RANBP9: variants seen among roughly 807,000 people sequenced by gnomAD.
The protein encoded by RANBP9 is RAN binding protein 9, also known as ran-binding protein 9.
A neutral mutation model predicts 84.3 loss-of-function variants in RANBP9; 15 were observed. That is an observed-to-expected ratio of 0.18 (90% confidence interval 0.12 to 0.27). The LOEUF (loss-of-function observed/expected upper bound fraction) is 0.27. Ranked by LOEUF, RANBP9 falls within the 10% of genes least tolerant of loss-of-function variation. The pLI is 1.00. For missense variants in RANBP9, 809 were observed against 912.8 expected (o/e 0.89, Z 1.46); for synonymous variants, 392 against 349.6 (o/e 1.12, Z -1.35).
Position 13,622,362 on chromosome 6 carries a change from C to T in RANBP9, c.2190G>A (p.Ter730=), listed in dbSNP as rs775232689. 6.4e-7 allele frequency: 1 copy of T among 1,569,758 alleles called. No homozygotes were observed. Among genetic ancestry groups the T allele is most frequent in the Non-Finnish European group, 8.6e-7 (1 of 1,158,662 alleles). The change falls in exon 14 of 14, where the codon TAG becomes TAA. Residue 730 remains the stop codon, a stop_retained_variant. Coordinates refer to ENST00000011619, the MANE Select transcript of RANBP9 (RefSeq NM_005493.3). ...AAGTGTGAGCTCTTGAAATGCATAG[C>T]TAATGTAGGTAGTCTTCCACTGTGG... is the stretch of plus-strand genomic sequence containing the variant. ...AFATVEDYLH[*]
Position 13,706,752 on chromosome 6 carries a change from G to A in RANBP9, c.571+4183C>T, listed in dbSNP as rs1462099715. On this transcript the variant is annotated intron_variant, in intron 1 of 13. Coordinates refer to ENST00000011619, the MANE Select transcript of RANBP9 (RefSeq NM_005493.3). ...CGCAGTGGCTCATGCCTGTAATCCC[G>A]GCATTTTGGGAGGCCGAGGCGGGCA... Among the ~76,000 whole-genome samples the A allele has an allele frequency of 4.1e-5, 6 of 147,518 alleles. No individual in the cohort carries two copies. The South Asian group carries it at 8.6e-4, about 21-fold the overall frequency.
chr6:13,699,571 A>AT (rs1373200850), intron 1 of RANBP9, among the ~76,000 whole-genome samples: 4 of 152,166 alleles, frequency 2.6e-5, no homozygotes, highest in Non-Finnish European at 5.9e-5. Flanking sequence ...TTCATTGGGC[A>AT]TTTCCTTTGA....
chr6:13,704,393 T>C (rs1758048048), intron 1 of RANBP9, among the ~76,000 whole-genome samples: 1 of 152,084 alleles, frequency 6.6e-6, no homozygotes, highest in Non-Finnish European at 1.5e-5. Context: ...TTTGGGAGGC[T>C]AAGGCAGGCA....
At chr6:13,639,380 A>T (rs539280994) in intron 9 of RANBP9, among the ~76,000 whole-genome samples, 183 bp downstream of exon 9, 1 of 152,180 alleles carries the variant, frequency 6.6e-6, no homozygotes, top group African/African-American at 2.4e-5. Context: ...GGTTATCACC[A>T]TGTTGGCCAG....
chr6:13,629,686 T>A (rs1001268248), intron 12 of RANBP9, among the ~76,000 whole-genome samples: 2 of 152,130 alleles, frequency 1.3e-5, no homozygotes, highest in Non-Finnish European at 2.9e-5. Context: ...CTCTCCACAC[T>A]GCAAAAATTC....
At chr6:13,638,366 G>A (rs1764988413) in intron 9 of RANBP9, among the ~76,000 whole-genome samples, 1 of 152,256 alleles carries the variant, frequency 6.6e-6, no homozygotes, top group South Asian at 2.1e-4. Flanking sequence ...AAACTGAGAG[G>A]AAGTAATGCA....
intron 13 of RANBP9, among the ~76,000 whole-genome samples, chr6:13,624,677 A>G (rs150024103): frequency 6.6e-6 from 1 of 152,248 alleles, no homozygotes; most frequent in Non-Finnish European, 1.5e-5. Context: ...CAAACGCTAC[A>G]GTGAGCTGCT....
chr6:13,663,037 T>G (rs1765570139), intron 2 of RANBP9, among the ~76,000 whole-genome samples: 1 of 151,808 alleles, frequency 6.6e-6, no homozygotes, highest in African/African-American at 2.4e-5. Flanking sequence ...TTCCCCAAAT[T>G]TGGTAAAAGA....
At chr6:13,689,963 T>C (rs182029088) in intron 2 of RANBP9, among the ~76,000 whole-genome samples, 115 of 152,290 alleles carry the variant, frequency 7.6e-4, no homozygotes, top group African/African-American at 2.7e-3. Context: ...AGTCCTCTGT[T>C]GGACAGACCA....
intron 12 of RANBP9, among the ~76,000 whole-genome samples, chr6:13,629,079 A>G (rs2127760034): frequency 6.6e-6 from 1 of 152,286 alleles, no homozygotes; most frequent in Admixed American, 6.5e-5. Flanking sequence ...CAATGTTGAA[A>G]TAAACCTATA....
intron 2 of RANBP9, among the ~76,000 whole-genome samples, chr6:13,686,624 G>C (rs760793682): frequency 3.9e-5 from 6 of 152,008 alleles, no homozygotes; most frequent in Non-Finnish European, 7.4e-5. Context: ...AGCTGGTCTC[G>C]AACTACTGGG....
At chr6:13,689,966 A>T (rs920075227) in intron 2 of RANBP9, among the ~76,000 whole-genome samples, 1 of 152,148 alleles carries the variant, frequency 6.6e-6, no homozygotes, top group Non-Finnish European at 1.5e-5. Flanking sequence ...CCTCTGTTGG[A>T]CAGACCAGGT....
intron 2 of RANBP9, among the ~76,000 whole-genome samples, chr6:13,688,311 G>T (rs1218507909): frequency 6.6e-6 from 1 of 152,098 alleles, no homozygotes; most frequent in Admixed American, 6.5e-5. Context: ...TCTTGTGAAG[G>T]ATACCTGAGC....
Position 13,658,835 on chromosome 6 carries a change from G to A in RANBP9, c.684-3C>T, listed in dbSNP as rs1479206609. On this transcript the variant is annotated splice_polypyrimidine_tract_variant and splice_region_variant and intron_variant, in intron 2 of 13. Coordinates refer to ENST00000011619, the MANE Select transcript of RANBP9 (RefSeq NM_005493.3). ...CAGAAAGACCAATTCCCATGTAACT[G>A]TTGGCGGAGGTTGGGGGAGAGAAGA... is the stretch of plus-strand genomic sequence containing the variant. 3 of 1,567,338 alleles carry A rather than the reference G, an allele frequency of 1.9e-6. No homozygotes were observed. Among genetic ancestry groups the A allele is most frequent in the East Asian group, 2.2e-5 (1 of 44,642 alleles).
chr6:13,650,154 TTGTG>T (rs1429322278), intron 5 of RANBP9, among the ~76,000 whole-genome samples: 1 of 151,302 alleles, frequency 6.6e-6, no homozygotes, highest in East Asian at 1.9e-4. Context: ...TTTGTTGTTG[TTGTG>T]TTTTTTTGTT....
In RANBP9 at chr6:13,622,413, T is replaced by C. The variant is rs1764477322; in HGVS notation, c.2139A>G (p.Arg713=). 1.9e-6 allele frequency: 3 copies of C among 1,601,356 alleles called. No homozygotes were observed. In the South Asian group the frequency reaches 3.4e-5, roughly 18 times the overall value. The change falls in exon 14 of 14, where the codon CGA becomes CGG. Residue 713 remains arginine (R), a synonymous_variant. Coordinates refer to ENST00000011619, the MANE Select transcript of RANBP9 (RefSeq NM_005493.3). ...CAAATGCGCAGGATCCAATTCCTGA[T>C]CGAGCCATCAGTCCTAGACATTGTG... ...QATQCLGLMA[R]SGIGSCAFAT...
At chr6:13,699,290 T>C (rs977891120) in intron 1 of RANBP9, among the ~76,000 whole-genome samples, 1 of 152,236 alleles carries the variant, frequency 6.6e-6, no homozygotes, top group Non-Finnish European at 1.5e-5. Context: ...GATTCACTAA[T>C]TGCAGATAAA....
intron 2 of RANBP9, among the ~76,000 whole-genome samples, chr6:13,675,963 C>A (rs1765877403): frequency 6.6e-6 from 1 of 151,824 alleles, no homozygotes; most frequent in Non-Finnish European, 1.5e-5. Context: ...TCTGAATATG[C>A]CTCTATAGAT....
intron 2 of RANBP9, among the ~76,000 whole-genome samples, chr6:13,671,514 A>G (rs1199485700): frequency 6.6e-6 from 1 of 152,198 alleles, no homozygotes; most frequent in Non-Finnish European, 1.5e-5. Flanking sequence ...TTAACCTTTA[A>G]AACATGTTAA....
Sources: gnomAD v4.1 joint callset for allele counts (sites outside exome capture counted in the v4.1 genomes callset) on GRCh38, gnomAD v4.1.1 for gene constraint, MANE v1.5 for transcripts, NCBI Gene and HGNC (gene_info 2026-07-23, HGNC 2026-07-21) for gene names.